Variants in CDH4 observed in about 807,000 individuals in gnomAD.
CDH4 encodes cadherin 4, also known as cadherin-4.
In CDH4, 33 loss-of-function variants were observed where a neutral mutation model predicts 86.0. The ratio of observed to expected loss-of-function variants is 0.38; its 90% confidence interval spans 0.29 to 0.51. CDH4 has a LOEUF of 0.51. Ranked by LOEUF, CDH4 falls within the 20% of genes least tolerant of loss-of-function variation. The pLI, the probability that CDH4 is intolerant of heterozygous loss-of-function variation, is 0.86. For missense variants in CDH4, 1,114 were observed against 1,307.4 expected (o/e 0.85, Z 2.28); for synonymous variants, 555 against 549.4 (o/e 1.01, Z -0.14).
intron 11 of CDH4, among the ~76,000 whole-genome samples, chr20:61,927,816 G>A (rs190159191): frequency 8.9e-4 from 136 of 152,346 alleles, no homozygotes; most frequent in South Asian, 2.9e-3. Flanking sequence ...CGCTGTGTGC[G>A]TGTGTGCAGG....
At chr20:61,578,167 G>C (rs1000440012) in intron 2 of CDH4, among the ~76,000 whole-genome samples, 7 of 152,192 alleles carry the variant, frequency 4.6e-5, no homozygotes, top group African/African-American at 1.7e-4. Context: ...ATTCCCAGGG[G>C]ACCTGTTACC....
At chr20:61,612,193 C>T (rs2086690719) in intron 2 of CDH4, among the ~76,000 whole-genome samples, 1 of 152,060 alleles carries the variant, frequency 6.6e-6, no homozygotes, top group Non-Finnish European at 1.5e-5. Context: ...TGGGATATCC[C>T]ATCACCTTAA....
In CDH4 at chr20:61,604,595, G is replaced by A. The variant is rs557655930; in HGVS notation, c.170-138968G>A. ...GTAAGAAGGGAGGGAAGGGAAGTGA[G>A]GGGTGCCCTGGCTTGGGAGGTGTCT... On this transcript the variant is annotated intron_variant, in intron 2 of 15. Coordinates refer to ENST00000614565, the MANE Select transcript of CDH4 (RefSeq NM_001794.5). 1.4e-4 allele frequency among the ~76,000 whole-genome samples: 22 copies of A among 152,016 alleles called. No homozygotes were observed. In the South Asian group the frequency reaches 3.1e-3, roughly 22 times the overall value.
chr20:61,531,283 C>A (rs566487434), intron 2 of CDH4, among the ~76,000 whole-genome samples: 10 of 152,116 alleles, frequency 6.6e-5, no homozygotes, highest in Admixed American at 2.0e-4. Flanking sequence ...ACCAGCCTGG[C>A]CAATGTGGTG....
chr20:61,752,257 G>A (rs1195750430), intron 3 of CDH4, among the ~76,000 whole-genome samples: 2 of 148,876 alleles, frequency 1.3e-5, no homozygotes, highest in East Asian at 2.0e-4. Context: ...ACTTGAGCCC[G>A]AGAGGTAGAG....
Position 61,676,220 on chromosome 20 carries a change from G to A in CDH4, c.170-67343G>A, listed in dbSNP as rs2087443130. ...TCCCATTAACATTCGCCTGGTGTCAGGAACGGTCAGGAACGGTGGGCTGTA... is the reference window on the plus strand; with the variant it reads ...TCCCATTAACATTCGCCTGGTGTCAAGAACGGTCAGGAACGGTGGGCTGTA... On this transcript the variant is annotated intron_variant, in intron 2 of 15. Coordinates refer to ENST00000614565, the MANE Select transcript of CDH4 (RefSeq NM_001794.5). The surrounding 1 kb of genome is among the most constrained non-coding windows in gnomAD (Gnocchi z 4.5). Among the ~76,000 whole-genome samples, 1 of 152,010 alleles carries A rather than the reference G, an allele frequency of 6.6e-6. No homozygotes were observed. Among genetic ancestry groups the A allele is most frequent in the Admixed American group, 6.5e-5 (1 of 15,270 alleles).
At chr20:61,825,095 T>C (rs554197520) in intron 4 of CDH4, among the ~76,000 whole-genome samples, 1 of 152,226 alleles carries the variant, frequency 6.6e-6, no homozygotes, top group South Asian at 2.1e-4. Flanking sequence ...CTTCATTCCT[T>C]CACCCCACGA....
At chr20:61,555,852 G>A (rs1045577738) in intron 2 of CDH4, among the ~76,000 whole-genome samples, 5 of 152,278 alleles carry the variant, frequency 3.3e-5, no homozygotes, top group East Asian at 1.9e-4. Context: ...ATACAATCCC[G>A]TTTCTGGCAG....
Position 61,635,366 on chromosome 20 carries a change from A to G in CDH4, c.170-108197A>G, listed in dbSNP as rs188216441. Among the ~76,000 whole-genome samples, 1,114 of 152,278 alleles carry G rather than the reference A, an allele frequency of 7.3e-3. 24 individuals carry two copies. The South Asian group carries it at 0.073, about 10-fold the overall frequency. On this transcript the variant is annotated intron_variant, in intron 2 of 15. Transcript: ENST00000614565. Reference sequence around the variant, plus strand: ...TGAAATGGTGCTGGGGCTTTTTGCAAATATAACCAACCCAGTCACCGCCCC... The same window carrying G: ...TGAAATGGTGCTGGGGCTTTTTGCAGATATAACCAACCCAGTCACCGCCCC...
At chr20:61,798,183 C>T (rs1979642000) in intron 4 of CDH4, among the ~76,000 whole-genome samples, 2 of 152,162 alleles carry the variant, frequency 1.3e-5, no homozygotes, top group South Asian at 2.1e-4. Context: ...ACCCCCGCCC[C>T]GCCCGGCCCT....
At chr20:61,535,610 G>A (rs942793292) in intron 2 of CDH4, among the ~76,000 whole-genome samples, 3 of 152,218 alleles carry the variant, frequency 2.0e-5, no homozygotes, top group Non-Finnish European at 2.9e-5. Flanking sequence ...ATGAAAACGC[G>A]GGGGCCTTCT....
intron 2 of CDH4, among the ~76,000 whole-genome samples, chr20:61,419,027 G>A (rs2085162503): frequency 1.3e-5 from 2 of 152,132 alleles, no homozygotes; most frequent in Admixed American, 6.6e-5. Flanking sequence ...CAGCAAAGAC[G>A]TTTTTTCCAG....
rs954206615 is a variant in CDH4, at chr20:61,777,300, T to A, written c.576+4118T>A. Among the ~76,000 whole-genome samples, 4 of 152,168 alleles carry A rather than the reference T, an allele frequency of 2.6e-5. No individual in the cohort carries two copies. In the South Asian group the frequency reaches 6.2e-4, roughly 24 times the overall value. On this transcript the variant is annotated intron_variant, in intron 4 of 15. Transcript: ENST00000614565. ...TAGACGTGATCTCAGTGGTGACTGTTGTGCTGGGCACCCATCAGCTAACCC... is the reference window on the plus strand; with the variant it reads ...TAGACGTGATCTCAGTGGTGACTGTAGTGCTGGGCACCCATCAGCTAACCC...
chr20:61,643,499 T>C (rs2087032189), intron 2 of CDH4, among the ~76,000 whole-genome samples: 1 of 152,162 alleles, frequency 6.6e-6, no homozygotes, highest in African/African-American at 2.4e-5. Context: ...CCACCACACC[T>C]CTGGAGAGAG....
At chr20:61,421,632 T>C (rs2085178313) in intron 2 of CDH4, among the ~76,000 whole-genome samples, 1 of 152,182 alleles carries the variant, frequency 6.6e-6, no homozygotes, top group Admixed American at 6.5e-5. Flanking sequence ...GCATGTTTTC[T>C]CTGGAGATGT....
rs1047152871 is a variant in CDH4, at chr20:61,773,090, A to G, written c.484A>G (p.Asn162Asp). Residue 162 changes from asparagine to aspartate, a missense_variant, in exon 4 of 16, where the codon AAC (asparagine) becomes GAC (aspartate). Asn to Asp is a conservative substitution (Grantham distance 23, BLOSUM62 1). Coordinates refer to ENST00000614565, the MANE Select transcript of CDH4 (RefSeq NM_001794.5). Reference protein sequence around the residue: ...LLPWPQHQNANGLRRRKRDWV... With the variant: ...LLPWPQHQNADGLRRRKRDWV... ...GCCGTGGCCCCAGCACCAGAACGCC[A>G]ACGGGCTGAGGCGGCGCAAACGGGA... The G allele has an allele frequency of 4.3e-6, 7 of 1,613,428 alleles. No individual in the cohort carries two copies. The Middle Eastern group carries it at 8.3e-4, about 190-fold the overall frequency.
At chr20:61,915,679 C>T (rs1461969811) in intron 9 of CDH4, among the ~76,000 whole-genome samples, 1 of 152,246 alleles carries the variant, frequency 6.6e-6, no homozygotes, top group Admixed American at 6.5e-5. Flanking sequence ...ATCTGCAGAA[C>T]ATCCCGGAAA....
intron 4 of CDH4, among the ~76,000 whole-genome samples, chr20:61,793,710 GACA>G (rs1979345872): frequency 2.0e-5 from 3 of 151,876 alleles, no homozygotes; most frequent in African/African-American, 7.3e-5. Context: ...CATGGTGGCA[GACA>G]CCTGTAATCC....
At chr20:61,753,893 C>T (rs189351454) in intron 3 of CDH4, among the ~76,000 whole-genome samples, 1 of 152,226 alleles carries the variant, frequency 6.6e-6, no homozygotes, top group East Asian at 1.9e-4. Context: ...AAATCCTAAC[C>T]TCAGAACATG....
Sources: gnomAD v4.1 joint callset for allele counts (sites outside exome capture counted in the v4.1 genomes callset) on GRCh38, gnomAD v4.1.1 for gene constraint, Gnocchi (gnomAD v3.1) non-coding constraint, MANE v1.5 for transcripts, NCBI Gene and HGNC (gene_info 2026-07-23, HGNC 2026-07-21) for gene names.